MACROD2: variants seen among roughly 807,000 people sequenced by gnomAD.
MACROD2 encodes the protein ADP-ribose glycohydrolase MACROD2.
A neutral mutation model predicts 70.4 loss-of-function variants in MACROD2; 36 were observed. That is an observed-to-expected ratio of 0.51 (90% CI 0.39 to 0.68). The LOEUF is 0.68. Ranked by LOEUF, MACROD2 falls within the 30% of genes least tolerant of loss-of-function variation. The pLI, the probability that MACROD2 is intolerant of heterozygous loss-of-function variation, is 0.00. For synonymous variants in MACROD2, 172 were observed against 178.8 expected (o/e 0.96, Z 0.30); for missense variants, 496 against 538.4 (o/e 0.92, Z 0.78).
At chr20:15,895,095 C>G (rs2064950586) in intron 10 of MACROD2, among the ~76,000 whole-genome samples, 1 of 152,148 alleles carries the variant, frequency 6.6e-6, no homozygotes, top group Non-Finnish European at 1.5e-5. Context: ...ATTTCTGAGC[C>G]TCATATAACA....
intron 4 of MACROD2, chr20:14,627,179 T>C (rs1185465232): frequency 6.6e-6 from 1 of 152,216 alleles, no homozygotes; most frequent in Admixed American, 6.5e-5. Context: ...AAATGCGTGC[T>C]GTATGTACCA....
chr20:15,135,166 A>G (rs2076137084), intron 5 of MACROD2, among the ~76,000 whole-genome samples: 1 of 151,466 alleles, frequency 6.6e-6, no homozygotes, highest in Non-Finnish European at 1.5e-5. Flanking sequence ...TCCTTCTGAA[A>G]CTATTCCAAT....
At chr20:15,631,426 A>G (rs1041243271) in intron 8 of MACROD2, among the ~76,000 whole-genome samples, 1 of 152,138 alleles carries the variant, frequency 6.6e-6, no homozygotes, top group Admixed American at 6.6e-5. Context: ...TTCATCTTGG[A>G]AAGATTATTT....
chr20:14,538,109 C>A (rs1011127158), intron 4 of MACROD2, among the ~76,000 whole-genome samples: 3 of 152,098 alleles, frequency 2.0e-5, no homozygotes, highest in Non-Finnish European at 2.9e-5. Context: ...GAAGGGGATA[C>A]TATAATATAA....
chr20:15,946,268 T>C (rs2065821368), intron 12 of MACROD2, among the ~76,000 whole-genome samples: 1 of 152,168 alleles, frequency 6.6e-6, no homozygotes, highest in Non-Finnish European at 1.5e-5. Context: ...CTTTATTCTG[T>C]ATATGAAAAT....
At chr20:14,576,687 T>C (rs553253956) in intron 4 of MACROD2, among the ~76,000 whole-genome samples, 1 of 152,114 alleles carries the variant, frequency 6.6e-6, no homozygotes, top group East Asian at 2.0e-4. Flanking sequence ...GCAAACACTG[T>C]TATATAAGGG....
At chr20:15,157,009 G>A (rs994466006) in intron 5 of MACROD2, among the ~76,000 whole-genome samples, 7 of 152,174 alleles carry the variant, frequency 4.6e-5, no homozygotes, top group African/African-American at 1.7e-4. Context: ...GGTCAAATAT[G>A]TTACAATTTC....
intron 4 of MACROD2, among the ~76,000 whole-genome samples, chr20:14,632,265 G>T (rs6135212): frequency 1.3e-5 from 2 of 152,046 alleles, no homozygotes; most frequent in East Asian, 3.9e-4. Flanking sequence ...AAGATATTTA[G>T]AATTTAATTT....
At chr20:15,880,279 G>T (rs1370880379) in intron 9 of MACROD2, among the ~76,000 whole-genome samples, 1 of 151,950 alleles carries the variant, frequency 6.6e-6, no homozygotes, top group African/African-American at 2.4e-5. Context: ...TCTTCCTTTG[G>T]CCATTCATAG....
At chr20:16,028,659 G>A (rs970314674) in intron 15 of MACROD2, among the ~76,000 whole-genome samples, 5 of 152,048 alleles carry the variant, frequency 3.3e-5, no homozygotes, top group Non-Finnish European at 5.9e-5. Flanking sequence ...CCATGGAAAG[G>A]GTCTTTTGTA....
At chr20:14,299,819 T>A (rs949527133) in intron 3 of MACROD2, among the ~76,000 whole-genome samples, 1 of 152,222 alleles carries the variant, frequency 6.6e-6, no homozygotes, top group Admixed American at 6.5e-5. Flanking sequence ...GACCCAAGAT[T>A]TAATTTCTTA....
intron 5 of MACROD2, among the ~76,000 whole-genome samples, chr20:14,750,119 T>C (rs1329998495): frequency 1.3e-5 from 2 of 152,162 alleles, no homozygotes; most frequent in Non-Finnish European, 2.9e-5. Flanking sequence ...CATAAGAAAC[T>C]TGAATATTCT....
intron 5 of MACROD2, among the ~76,000 whole-genome samples, chr20:14,716,990 C>A (rs1186205963): frequency 6.6e-6 from 1 of 151,638 alleles, no homozygotes; most frequent in East Asian, 1.9e-4. Context: ...TGTCGACTTA[C>A]AAAGAAATAA....
chr20:14,794,275 A>G (rs1222108355), intron 5 of MACROD2, among the ~76,000 whole-genome samples: 1 of 152,158 alleles, frequency 6.6e-6, no homozygotes, highest in African/African-American at 2.4e-5. Flanking sequence ...TTTGAAAAGA[A>G]TGGATCTGAC....
At chr20:14,426,808 C>T (rs763600631) in intron 3 of MACROD2, among the ~76,000 whole-genome samples, 3 of 152,114 alleles carry the variant, frequency 2.0e-5, no homozygotes, top group East Asian at 3.8e-4. Flanking sequence ...ATTGTGCTTA[C>T]GTTCACTTAA....
At chr20:14,888,828 A>G (rs551926063) in intron 5 of MACROD2, among the ~76,000 whole-genome samples, 2 of 152,298 alleles carry the variant, frequency 1.3e-5, no homozygotes, top group African/African-American at 2.4e-5. Context: ...TCCAAATTAG[A>G]TATCTCCTTT....
chr20:14,813,988 A>C (rs1190218966), intron 5 of MACROD2, among the ~76,000 whole-genome samples: 1 of 151,928 alleles, frequency 6.6e-6, no homozygotes, highest in African/African-American at 2.4e-5. Context: ...CAGCTATCTC[A>C]TTAACATACA....
chr20:14,055,640 T>C (rs757260885), intron 2 of MACROD2, among the ~76,000 whole-genome samples: 18 of 152,168 alleles, frequency 1.2e-4, no homozygotes, highest in Non-Finnish European at 8.8e-5. Context: ...GAATGTCTTT[T>C]TGTGGCACCT....
chr20:15,129,157 A>G (rs2076087308), intron 5 of MACROD2, among the ~76,000 whole-genome samples: 1 of 152,078 alleles, frequency 6.6e-6, no homozygotes, highest in Non-Finnish European at 1.5e-5. Context: ...TTATTAATGT[A>G]ACATAATTTA....
Sources: gnomAD v4.1 joint callset for allele counts (sites outside exome capture counted in the v4.1 genomes callset) on GRCh38, gnomAD v4.1.1 for gene constraint, MANE v1.5 for transcripts, NCBI Gene and HGNC (gene_info 2026-07-23, HGNC 2026-07-21) for gene names.